Variants in ALMS1 observed in about 807,000 individuals in gnomAD.
The protein encoded by ALMS1 is ALMS1 centrosome and basal body associated protein.
In ALMS1, 271 loss-of-function variants were observed where a neutral mutation model predicts 352.2. The observed-to-expected ratio is 0.77, with a 90% CI of 0.70 to 0.85. The LOEUF is 0.85. Ranked by LOEUF, ALMS1 falls within the 40% of genes least tolerant of loss-of-function variation. The pLI is 0.00. For missense variants in ALMS1, 5,445 were observed against 4,870.7 expected (o/e 1.12, Z -3.51); for synonymous variants, 1,865 against 1,761.2 (o/e 1.06, Z -1.48).
At position 73,455,168 on chromosome 2, in the gene ALMS1, A is replaced by G. The variant is rs776055214; in HGVS notation, c.7547A>G (p.Asn2516Ser). 8 of 1,613,270 alleles carry G rather than the reference A, an allele frequency of 5.0e-6. No individual in the cohort carries two copies. In the East Asian group the frequency reaches 1.6e-4, roughly 31 times the overall value. The change falls in exon 9 of 23, where the codon AAT becomes AGT. Residue 2516 changes from asparagine (N) to serine (S), a missense_variant. Asn to Ser is a conservative substitution (Grantham distance 46). Transcript: ENST00000613296. ...EESRVRAHAW[N>S]MKFNLAHDCG... ...GTGTATGCTTTCTCTCCAGCCTGGA[A>G]TATGAAGTTCAATTTAGCACATGAT... is the stretch of plus-strand genomic sequence containing the variant.
chr2:73,499,194 A>G (rs546019346), intron 10 of ALMS1, among the ~76,000 whole-genome samples: 15 of 151,820 alleles, frequency 9.9e-5, no homozygotes, highest in African/African-American at 1.2e-4. Flanking sequence ...TTTTGATTGG[A>G]TTATTAGATT....
At chr2:73,395,761 C>G (rs997283610) in intron 1 of ALMS1, among the ~76,000 whole-genome samples, 6 of 152,052 alleles carry the variant, frequency 3.9e-5, no homozygotes, top group African/African-American at 1.4e-4. Flanking sequence ...TCTTTCCAAT[C>G]TGGATGCCTT....
At chr2:73,483,672 G>T (rs1338113622) in intron 9 of ALMS1, among the ~76,000 whole-genome samples, 1 of 151,102 alleles carries the variant, frequency 6.6e-6, no homozygotes, top group South Asian at 2.1e-4. Context: ...TGACAGTGGG[G>T]TGTTAAAGTC....
At chr2:73,458,509 A>G (rs1672120603) in intron 9 of ALMS1, 1 of 152,256 alleles carries the variant, frequency 6.6e-6, no homozygotes, top group East Asian at 1.9e-4. Context: ...AAGGAAGAGT[A>G]TATGAATAAC....
chr2:73,500,721 A>G (rs1198744574), intron 10 of ALMS1, among the ~76,000 whole-genome samples: 1 of 152,132 alleles, frequency 6.6e-6, no homozygotes, highest in African/African-American at 2.4e-5. Context: ...GTTTCAGGCT[A>G]TATTGAGTTC....
At chr2:73,605,245 A>G (rs571679037) in intron 21 of ALMS1, among the ~76,000 whole-genome samples, 12 of 152,326 alleles carry the variant, frequency 7.9e-5, no homozygotes, top group Admixed American at 7.8e-4. Flanking sequence ...AGAAATCTAG[A>G]AAACTTGTAT....
chr2:73,547,547 A>T (rs1674347732), intron 12 of ALMS1, among the ~76,000 whole-genome samples: 1 of 152,214 alleles, frequency 6.6e-6, no homozygotes, highest in Non-Finnish European at 1.5e-5. Context: ...GGCTTAGTGC[A>T]GGAGCTCAGT....
chr2:73,549,825 C>T (rs574160739), intron 12 of ALMS1, among the ~76,000 whole-genome samples: 1 of 152,188 alleles, frequency 6.6e-6, no homozygotes, highest in African/African-American at 2.4e-5. Context: ...TTATCCTACC[C>T]ATTGTAGTGT....
intron 2 of ALMS1, among the ~76,000 whole-genome samples, chr2:73,414,473 G>GTTTTTTTTTTT (rs61660489): frequency 7.8e-4 from 52 of 66,434 alleles, no homozygotes; most frequent in East Asian, 5.6e-3. Flanking sequence ...CTTTTTTTCC[G>GTTTTTTTTTTT]TTTTTTTTTT....
chr2:73,511,912 T>G (rs1477880481), intron 10 of ALMS1, among the ~76,000 whole-genome samples: 1 of 152,120 alleles, frequency 6.6e-6, no homozygotes, highest in Non-Finnish European at 1.5e-5. Context: ...CCCAGGAGTG[T>G]GATTATTGAG....
intron 13 of ALMS1, 31 bp downstream of exon 13, chr2:73,550,468 C>G: frequency 2.5e-6 from 4 of 1,612,162 alleles, no homozygotes; most frequent in Non-Finnish European, 2.5e-6. Context: ...TACTTTGTAG[C>G]TTTTTCTCCC....
At chr2:73,590,209 A>T (rs1410025496) in intron 16 of ALMS1, among the ~76,000 whole-genome samples, 1 of 152,212 alleles carries the variant, frequency 6.6e-6, no homozygotes, top group Non-Finnish European at 1.5e-5. Context: ...ACAAAAGCAC[A>T]GAGTGACATA....
intron 9 of ALMS1, among the ~76,000 whole-genome samples, chr2:73,484,868 G>A (rs561656672): frequency 2.4e-4 from 36 of 151,996 alleles, no homozygotes; most frequent in Non-Finnish European, 5.0e-4. Flanking sequence ...TGATGGCATC[G>A]GCTCTTGAGG....
At position 73,385,951 on chromosome 2, in the gene ALMS1, A is replaced by C. The variant is rs2104057924; in HGVS notation, c.83A>C (p.Glu28Ala). 7.5e-7 allele frequency: 1 copy of C among 1,326,350 alleles called. No homozygotes were observed. The allele number at this position is 1,326,350 out of a possible 1,614,324, so 82.2% of individuals were successfully genotyped here. Residue 28 changes from glutamate (E) to alanine (A), a missense_variant, in exon 1 of 23, where the codon GAG becomes GCG. By Grantham distance (107) the Glu-to-Ala change is moderately radical. Coordinates refer to ENST00000613296, the MANE Select transcript of ALMS1 (RefSeq NM_001378454.1). ...GAGGAGGAGGAGGAGGAAGAGGAGG[A>C]GGCTGCAGCGGCGGCGGCGGCGAAC... The part of the protein sequence containing the change: ...EEEEEEEEEE[E>A]AAAAAAANVD...
At chr2:73,595,120 C>T (rs1675518891) in intron 16 of ALMS1, among the ~76,000 whole-genome samples, 1 of 152,298 alleles carries the variant, frequency 6.6e-6, no homozygotes, top group East Asian at 1.9e-4. Context: ...CCACATGATA[C>T]AAAATATTTG....
chr2:73,510,628 C>T (rs1673429918), intron 10 of ALMS1, among the ~76,000 whole-genome samples: 1 of 152,178 alleles, frequency 6.6e-6, no homozygotes, highest in Admixed American at 6.5e-5. Context: ...AGCCAGGGCT[C>T]TCCTGTGTGA....
chr2:73,578,503 C>G (rs1169580024), intron 16 of ALMS1, among the ~76,000 whole-genome samples: 2 of 151,736 alleles, frequency 1.3e-5, no homozygotes, highest in African/African-American at 4.8e-5. Context: ...GTTTTATTCC[C>G]TTTTCATTTT....
intron 16 of ALMS1, among the ~76,000 whole-genome samples, chr2:73,575,608 A>G (rs894811733): frequency 1.3e-5 from 2 of 152,188 alleles, no homozygotes; most frequent in South Asian, 2.1e-4. Context: ...TTATTTAACC[A>G]TTTGTATATC....
At chr2:73,438,750 G>A (rs1671656065) in intron 7 of ALMS1, among the ~76,000 whole-genome samples, 1 of 152,170 alleles carries the variant, frequency 6.6e-6, no homozygotes, top group Non-Finnish European at 1.5e-5. Context: ...AAAAAAGACA[G>A]ATATTTTGTT....
Sources: allele counts gnomAD v4.1 joint callset (sites outside exome capture counted in the v4.1 genomes callset), GRCh38; gene constraint gnomAD v4.1.1; transcripts MANE v1.5; gene names NCBI Gene and HGNC (gene_info 2026-07-23, HGNC 2026-07-21).